The following HIVEP3 variants were observed in gnomAD, a reference collection of about 807,000 sequenced individuals.
HIVEP3 encodes the protein transcription factor HIVEP3.
HIVEP3 carries 49 observed loss-of-function variants against 152.8 expected under a neutral mutation model. The observed-to-expected ratio is 0.32, with a 90% CI of 0.26 to 0.41. The LOEUF (loss-of-function observed/expected upper bound fraction) is 0.41. Ranked by LOEUF, HIVEP3 falls within the 10% of genes least tolerant of loss-of-function variation. The pLI, the probability that HIVEP3 is intolerant of heterozygous loss-of-function variation, is 1.00. For missense variants in HIVEP3, 2,790 were observed against 3,103.3 expected (o/e 0.90, Z 2.40); for synonymous variants, 1,269 against 1,289.0 (o/e 0.98, Z 0.33).
chr1:41,776,672 T>A (rs1648724411), intron 1 of HIVEP3, among the ~76,000 whole-genome samples: 1 of 152,216 alleles, frequency 6.6e-6, no homozygotes, highest in South Asian at 2.1e-4. Flanking sequence ...GGGTATGAGG[T>A]CATAGCTGTT....
intron 1 of HIVEP3, among the ~76,000 whole-genome samples, chr1:41,799,772 A>C (rs1650194674): frequency 6.6e-6 from 1 of 152,050 alleles, no homozygotes; most frequent in Admixed American, 6.6e-5. Flanking sequence ...AGTCCAAAAA[A>C]TGCATGTTAA....
intron 1 of HIVEP3, among the ~76,000 whole-genome samples, chr1:41,876,864 A>G (rs1644178621): frequency 6.6e-6 from 1 of 152,218 alleles, no homozygotes; most frequent in South Asian, 2.1e-4. Flanking sequence ...TGAGATGAGT[A>G]TCATTACAGA....
intron 1 of HIVEP3, among the ~76,000 whole-genome samples, chr1:41,963,489 A>G (rs1376221825): frequency 2.8e-5 from 4 of 142,240 alleles, no homozygotes; most frequent in African/African-American, 1.0e-4. Context: ...GGACACAGGA[A>G]GGGGAACATC....
intron 1 of HIVEP3, among the ~76,000 whole-genome samples, chr1:41,746,287 C>G (rs545348646): frequency 8.9e-4 from 136 of 152,352 alleles, no homozygotes; most frequent in African/African-American, 3.1e-3. Flanking sequence ...ACTTCTCACA[C>G]CAACTTTCCA....
At chr1:41,618,879 G>A (rs1645006546) in intron 3 of HIVEP3, among the ~76,000 whole-genome samples, 1 of 152,180 alleles carries the variant, frequency 6.6e-6, no homozygotes, top group South Asian at 2.1e-4. Context: ...AGCAAATCAT[G>A]TTGGCTTGAC....
chr1:41,576,646 C>T (rs1570355), intron 4 of HIVEP3, among the ~76,000 whole-genome samples: 75,094 of 152,066 alleles, frequency 0.49, 18,806 homozygotes, highest in African/African-American at 0.53. Context: ...AATCTAAGAA[C>T]GGCAGTCCCC....
In HIVEP3 at chr1:41,583,324, A is replaced by G. The variant is rs757757718; in HGVS notation, c.1474T>C (p.Ser492Pro). Residue 492 changes from serine (S) to proline (P), a missense_variant, in exon 4 of 9, where the codon TCC (serine) becomes CCC (proline). Ser to Pro is a moderately conservative substitution (Grantham distance 74). Coordinates refer to ENST00000372583, the MANE Select transcript of HIVEP3 (RefSeq NM_024503.5). This position sits in a 1 kb window ranked among gnomAD's most constrained non-coding sequence, Gnocchi z 6.9. ...GGGGACTCCATGCTGCTGCGCCTGG[A>G]CAGTGAGCTCCGCCTTGGCTTCACG... is the stretch of plus-strand genomic sequence containing the variant. Reference protein sequence around the residue: ...DSVKPRRSSLSRRSSMESPKS... With the variant: ...DSVKPRRSSLPRRSSMESPKS... The G allele has an allele frequency of 1.3e-5, 21 of 1,611,016 alleles. No homozygotes were observed. Among genetic ancestry groups the G allele is most frequent in the Non-Finnish European group, 1.8e-5 (21 of 1,178,628 alleles).
intron 2 of HIVEP3, among the ~76,000 whole-genome samples, chr1:41,674,995 G>A (rs1645933462): frequency 6.6e-6 from 1 of 152,112 alleles, no homozygotes; most frequent in African/African-American, 2.4e-5. Context: ...TGCTGGCACA[G>A]GCAGCCTAGA....
At chr1:41,562,869 G>A (rs185923829) in intron 5 of HIVEP3, among the ~76,000 whole-genome samples, 52 of 152,146 alleles carry the variant, frequency 3.4e-4, no homozygotes, top group Non-Finnish European at 6.8e-4. Context: ...AGGTAAGGAC[G>A]ATTGGTGGAA....
rs985683355 is a variant in HIVEP3 at position 41,782,707 on chromosome 1, G to A, written c.-800-81712C>T. The stretch of plus-strand genomic sequence containing the variant: ...AGACCAAGCCATTGCACTCCAGCCT[G>A]GGCAACAGAGCAAGACTCCATCTCA... On this transcript the variant is annotated intron_variant, in intron 1 of 8. Coordinates refer to ENST00000372583, the MANE Select transcript of HIVEP3 (RefSeq NM_024503.5). 6.1e-4 allele frequency among the ~76,000 whole-genome samples: 91 copies of A among 148,142 alleles called. 1 individual carries two copies. The highest frequency in any genetic ancestry group is 2.2e-3 in the African/African-American group (89 of 39,916).
chr1:41,513,451 G>A lies in HIVEP3; in HGVS notation c.5770C>T (p.Leu1924=). The change falls in exon 8 of 9, where the codon CTG becomes TTG. Residue 1924 remains leucine (L), a synonymous_variant. Coordinates refer to ENST00000372583, the MANE Select transcript of HIVEP3 (RefSeq NM_024503.5). ...GACATGGAGCAGCTGCTGGCTGTCA[G>A]GCGCTCAGCTTCCGAGACCGAGCTG... The part of the protein sequence containing the change: ...RGSSVSEAER[L]TASSCSMSSQ... The A allele has an allele frequency of 6.2e-7, 1 of 1,611,918 alleles. No individual in the cohort carries two copies. The highest frequency in any genetic ancestry group is 2.2e-5 in the East Asian group (1 of 44,820).
In HIVEP3 at chr1:41,816,413, G is replaced by A. The variant is rs115477551; in HGVS notation, c.-801+102000C>T. ...CTAAAGGCATCTGTTACGGCTGGGT[G>A]CAGTGGCACACTCCTGTAATCCCAG... is the stretch of plus-strand genomic sequence containing the variant. On this transcript the variant is annotated intron_variant, in intron 1 of 8. Coordinates refer to ENST00000372583, the MANE Select transcript of HIVEP3 (RefSeq NM_024503.5). Among the ~76,000 whole-genome samples the A allele has an allele frequency of 5.4e-3, 827 of 152,320 alleles. 7 individuals carry two copies. The highest frequency in any genetic ancestry group is 0.024 in the Middle Eastern group (7 of 294).
intron 1 of HIVEP3, among the ~76,000 whole-genome samples, chr1:41,915,904 A>G (rs1360893559): frequency 2.0e-5 from 3 of 152,188 alleles, no homozygotes; most frequent in African/African-American, 7.2e-5. Context: ...GCAGATTTGT[A>G]AATACACTTT....
intron 1 of HIVEP3, among the ~76,000 whole-genome samples, chr1:41,791,913 C>G (rs1277715339): frequency 6.6e-6 from 1 of 152,044 alleles, no homozygotes; most frequent in Non-Finnish European, 1.5e-5. Flanking sequence ...CACCCTTCCC[C>G]CTCTCCTCCA....
intron 1 of HIVEP3, among the ~76,000 whole-genome samples, chr1:42,013,097 G>A (rs1026698895): frequency 4.5e-4 from 68 of 152,146 alleles, no homozygotes; most frequent in African/African-American, 1.5e-3. Flanking sequence ...TGCTCCTCCC[G>A]AGGGCTGAAG....
chr1:41,533,483 G>A lies in HIVEP3; in HGVS notation c.5208-8573C>T, dbSNP rs1289249805. ...GCTGTCCCTCTTTCCTGCACAGCCC[G>A]GATCTGGAGAGGGCTGTCCACACCT... is the stretch of plus-strand genomic sequence containing the variant. On this transcript the variant is annotated intron_variant, in intron 5 of 8. Coordinates refer to ENST00000372583, the MANE Select transcript of HIVEP3 (RefSeq NM_024503.5). This position sits in a 1 kb window ranked among gnomAD's most constrained non-coding sequence, Gnocchi z 4.3. Among the ~76,000 whole-genome samples the A allele has an allele frequency of 2.0e-5, 3 of 152,046 alleles. No homozygotes were observed. The highest frequency in any genetic ancestry group is 2.9e-5 in the Non-Finnish European group (2 of 68,010).
chr1:41,534,054 C>A (rs1386268652), intron 5 of HIVEP3, among the ~76,000 whole-genome samples: 2 of 152,132 alleles, frequency 1.3e-5, no homozygotes, highest in Admixed American at 1.3e-4. Flanking sequence ...ACCACCACAA[C>A]CATCAATGCT....
At position 41,918,189 on chromosome 1, in the gene HIVEP3, G is replaced by A. The variant is rs1208873200; in HGVS notation, c.-801+224C>T. 1.4e-5 allele frequency among the ~76,000 whole-genome samples: 2 copies of A among 141,224 alleles called. No homozygotes were observed. Among genetic ancestry groups the A allele is most frequent in the East Asian group, 2.5e-4 (1 of 4,062 alleles). 92.6% of individuals were successfully genotyped at this position (141,224 alleles called of 152,430 possible). ...TCGCGCCGCTCCCCAGCACCAGGCC[G>A]AGCAGCGCGCTCAGCCCACCGGGGG... On this transcript the variant is annotated intron_variant, in intron 1 of 8. Transcript: ENST00000372583. The surrounding 1 kb of genome is among the most constrained non-coding windows in gnomAD (Gnocchi z 4.3).
At position 41,841,677 on chromosome 1, in the gene HIVEP3, A is replaced by G. The variant is rs112186483; in HGVS notation, c.-801+76736T>C. ...TCAGCAGGGCCATTTTGAACAAGTTATCTAAGCTCAGGGCCTCAATGTCCT... is the reference window on the plus strand; with the variant it reads ...TCAGCAGGGCCATTTTGAACAAGTTGTCTAAGCTCAGGGCCTCAATGTCCT... On this transcript the variant is annotated intron_variant, in intron 1 of 8. Transcript: ENST00000372583. Among the ~76,000 whole-genome samples the G allele has an allele frequency of 1.6e-3, 246 of 152,356 alleles. 3 individuals are homozygous for G. Among genetic ancestry groups the G allele is most frequent in the African/African-American group, 4.7e-3 (195 of 41,588 alleles).
Sources: gnomAD v4.1 joint callset for allele counts (sites outside exome capture counted in the v4.1 genomes callset) on GRCh38, gnomAD v4.1.1 for gene constraint, Gnocchi (gnomAD v3.1) non-coding constraint, MANE v1.5 for transcripts, NCBI Gene and HGNC (gene_info 2026-07-23, HGNC 2026-07-21) for gene names.